SERF2: variants seen among roughly 807,000 people sequenced by gnomAD.
SERF2 encodes the protein gastric cancer-related protein VRG107.
SERF2 carries 4 observed loss-of-function variants against 10.7 expected under a neutral mutation model. That is an observed-to-expected ratio of 0.37 (90% confidence interval 0.18 to 0.86). SERF2 has a LOEUF of 0.86. Ranked by LOEUF, SERF2 falls within the 40% of genes least tolerant of loss-of-function variation. The probability of loss-of-function intolerance (pLI) is 0.43; values close to 1 mark genes in which losing one functional copy is unlikely to be tolerated. For synonymous variants in SERF2, 26 were observed against 26.0 expected, an observed-to-expected ratio of 1.00 and a Z score of 0.01; for missense variants, 47 against 79.1, an observed-to-expected ratio of 0.59 and a Z score of 1.54.
chr15:43,795,129 G>A lies in SERF2; in HGVS notation c.*1356G>A, dbSNP rs531821428. ...GTAACAGCCCCAGATAGAGGAGTAC[G>A]CAGGCCCAGCATGAGGCAACCTTGA... On this transcript the variant is annotated 3_prime_UTR_variant, in exon 3 of 3. Transcript: ENST00000249786. The A allele has an allele frequency of 1.1e-5, 17 of 1,614,062 alleles. 1 individual carries two copies. In the Admixed American group the frequency reaches 1.3e-4, roughly 13 times the overall value.
chr15:43,784,408 T>A (rs2086988528), intron 1 of SERF2, among the ~76,000 whole-genome samples: 1 of 152,210 alleles, frequency 6.6e-6, no homozygotes, highest in Non-Finnish European at 1.5e-5. Context: ...TTCTCATTTC[T>A]TGGGTTGGGC....
chr15:43,793,625 C>T (rs772634038), intron 2 of SERF2, 85 bp from the exon 3 acceptor site: 10 of 1,611,750 alleles, frequency 6.2e-6, no homozygotes, highest in Non-Finnish European at 7.6e-6. Flanking sequence ...CCACTTCCAT[C>T]TTATCCTTTG....
Position 43,793,568 on chromosome 15 carries a change from TCTC to T in SERF2, c.117-139_117-137del, listed in dbSNP as rs2087124177. 5.2e-6 allele frequency: 8 copies of T among 1,532,698 alleles called. No homozygotes were observed. The Admixed American group carries it at 6.4e-5, about 12-fold the overall frequency. 94.9% of individuals were successfully genotyped at this position (1,532,698 alleles called of 1,614,324 possible). On this transcript the variant is annotated intron_variant, in intron 2 of 2. Coordinates refer to ENST00000249786, the MANE Select transcript of SERF2 (RefSeq NM_001018108.4). ...TGAGCCTCAGCTCTCTTCCTCTTGT[TCTC>T]CTAGGGTGGGAGTACAGCAGCCAAA...
At chr15:43,792,862 GC>G in intron 1 of SERF2, 112 bp from the exon 2 acceptor site, 1 of 797,516 alleles carries the variant, frequency 1.3e-6, no homozygotes, top group Non-Finnish European at 2.0e-6. Flanking sequence ...CGTTGTCGGG[GC>G]CCGGAGATTG....
intron 1 of SERF2, among the ~76,000 whole-genome samples, chr15:43,779,730 G>C (rs975808857): frequency 2.0e-5 from 3 of 151,988 alleles, no homozygotes; most frequent in Non-Finnish European, 4.4e-5. Flanking sequence ...GGCCTCAAGT[G>C]ATCCTCCCAC....
rs762744448 is a variant in SERF2, at chr15:43,792,356, G to T, written c.-21G>T. On this transcript the variant is annotated 5_prime_UTR_variant, in exon 1 of 3. Coordinates refer to ENST00000249786, the MANE Select transcript of SERF2 (RefSeq NM_001018108.4). ...GAACGAGGGGACGTAACGGAGGCAG[G>T]TTGGAGCCGCTGCCGTCGCCATGAC... 1.3e-6 allele frequency: 2 copies of T among 1,598,974 alleles called. No homozygotes were observed. Among genetic ancestry groups the T allele is most frequent in the East Asian group, 2.2e-5 (1 of 44,778 alleles).
chr15:43,781,894 CTT>C (rs34126146), intron 1 of SERF2, among the ~76,000 whole-genome samples: 2 of 53,210 alleles, frequency 3.8e-5, no homozygotes, highest in Non-Finnish European at 1.4e-4. Flanking sequence ...ACTTCTTCTT[CTT>C]TTTTTTTTTT....
intron 2 of SERF2, 171 bp downstream of exon 2, chr15:43,793,254 C>G: frequency 1.7e-6 from 1 of 592,954 alleles, no homozygotes. Context: ...TGTTAGCTCA[C>G]AGCCTTACAG....
Position 43,795,581 on chromosome 15 carries a change from AAC to A in SERF2, c.*1811_*1812del, listed in dbSNP as rs1466813345. ...TGGCTGCTGGGAGCAGAGCTGCTGA[AAC>A]ACCTCTTCCCCTCTCCCCCAACTAC... On this transcript the variant is annotated 3_prime_UTR_variant, in exon 3 of 3. Coordinates refer to ENST00000249786, the MANE Select transcript of SERF2 (RefSeq NM_001018108.4). 1 of 1,613,282 alleles carries A rather than the reference AAC, an allele frequency of 6.2e-7. No individual in the cohort carries two copies. The highest frequency in any genetic ancestry group is 1.7e-5 in the Admixed American group (1 of 60,004).
Position 43,795,666 on chromosome 15 carries a change from T to A in SERF2, c.*1893T>A, listed in dbSNP as rs200128740. The A allele has an allele frequency of 1.9e-6, 3 of 1,613,536 alleles. No homozygotes were observed. Among genetic ancestry groups the A allele is most frequent in the African/African-American group, 2.7e-5 (2 of 74,940 alleles). The stretch of plus-strand genomic sequence containing the variant: ...CTCCACAGAGATCTACCACTTCTTA[T>A]GGTTCCTCACTTGGCACTCACCTTT... On this transcript the variant is annotated 3_prime_UTR_variant, in exon 3 of 3. Coordinates refer to ENST00000249786, the MANE Select transcript of SERF2 (RefSeq NM_001018108.4).
chr15:43,790,947 T>C (rs1167061507), upstream of SERF2, among the ~76,000 whole-genome samples: 1 of 149,488 alleles, frequency 6.7e-6, no homozygotes, highest in Non-Finnish European at 1.5e-5. Flanking sequence ...TTTTTGTATT[T>C]TTAGTAGAGA....
chr15:43,779,277 GA>G (rs2086947684), intron 1 of SERF2, among the ~76,000 whole-genome samples: 2 of 152,252 alleles, frequency 1.3e-5, no homozygotes, highest in East Asian at 3.9e-4. Context: ...GCAACTGAGA[GA>G]GAGAATGAGG....
intron 2 of SERF2, 147 bp downstream of exon 2, chr15:43,793,230 C>T (rs886275585): frequency 5.0e-6 from 3 of 606,002 alleles, no homozygotes; most frequent in Non-Finnish European, 8.9e-6. Flanking sequence ...TTATTTCCTC[C>T]CCACCCTCCA....
At position 43,795,544 on chromosome 15, in the gene SERF2, G is replaced by T. The variant is rs1555458450; in HGVS notation, c.*1771G>T. On this transcript the variant is annotated 3_prime_UTR_variant, in exon 3 of 3. Transcript: ENST00000249786. ...CCTCGCAGCCCCACCCCTTTGCCCT[G>T]GAGAGAGGAAATGGCTGCTGGGAGC... is the stretch of plus-strand genomic sequence containing the variant. The T allele has an allele frequency of 1.2e-6, 2 of 1,614,106 alleles. No homozygotes were observed. Among genetic ancestry groups the T allele is most frequent in the Non-Finnish European group, 8.5e-7 (1 of 1,180,008 alleles).
At chr15:43,793,186 G>C in intron 2 of SERF2, 103 bp downstream of exon 2, 2 of 713,738 alleles carry the variant, frequency 2.8e-6, no homozygotes, top group Admixed American at 2.4e-5. Flanking sequence ...TGGACTAGTC[G>C]TGAGGAGCAG....
chr15:43,795,172 C>T lies in SERF2; in HGVS notation c.*1399C>T. The T allele has an allele frequency of 6.2e-7, 1 of 1,614,130 alleles. No individual in the cohort carries two copies. Among genetic ancestry groups the T allele is most frequent in the Non-Finnish European group, 8.5e-7 (1 of 1,180,022 alleles). The stretch of plus-strand genomic sequence containing the variant: ...AACCTTGACCCAGAAGGTGGCCCAG[C>T]TACCCTTGATGAAGGTCTTTTCCAG... On this transcript the variant is annotated 3_prime_UTR_variant, in exon 3 of 3. Transcript: ENST00000249786.
At chr15:43,792,702 A>C in intron 1 of SERF2, 2 of 1,092,330 alleles carry the variant, frequency 1.8e-6, no homozygotes, top group Non-Finnish European at 2.5e-6. Flanking sequence ...CCGTCCACAC[A>C]CACCTTGCCA....
chr15:43,788,086 A>T (rs2087022482), upstream of SERF2, among the ~76,000 whole-genome samples: 1 of 151,284 alleles, frequency 6.6e-6, no homozygotes, highest in Non-Finnish European at 1.5e-5. Flanking sequence ...TGTTGGCCAG[A>T]CTGGTCTTGA....
chr15:43,792,112 T>A, upstream of SERF2: 2 of 542,962 alleles, frequency 3.7e-6, no homozygotes, highest in East Asian at 3.2e-5. Flanking sequence ...GCCTAGTTTC[T>A]CCAGGCCCGT....
Sources: allele counts gnomAD v4.1 joint callset (sites outside exome capture counted in the v4.1 genomes callset), GRCh38; gene constraint gnomAD v4.1.1; transcripts MANE v1.5; gene names NCBI Gene and HGNC (gene_info 2026-07-23, HGNC 2026-07-21).